DIPK1A: variants seen among roughly 807,000 people sequenced by gnomAD.
The protein encoded by DIPK1A is divergent protein kinase domain 1A, also known as family with sequence similarity 69 member A.
DIPK1A carries 27 observed loss-of-function variants against 40.8 expected under a neutral mutation model. That is an observed-to-expected ratio of 0.66 (90% CI 0.49 to 0.91). The LOEUF (loss-of-function observed/expected upper bound fraction) is 0.91, where lower values mean the gene tolerates loss of function less well. DIPK1A is among the 40% of genes least tolerant of loss of function. The probability of loss-of-function intolerance (pLI) is 0.00; values close to 1 mark genes in which losing one functional copy is unlikely to be tolerated. For synonymous variants in DIPK1A, 166 were observed against 171.3 expected, an observed-to-expected ratio of 0.97 and a Z score of 0.24; for missense variants, 412 against 505.7, an observed-to-expected ratio of 0.81 and a Z score of 1.78.
intron 4 of DIPK1A, among the ~76,000 whole-genome samples, chr1:92,846,397 T>C (rs1256571842): frequency 6.6e-6 from 1 of 152,106 alleles, no homozygotes; most frequent in Non-Finnish European, 1.5e-5. Flanking sequence ...CTAGCGGTAA[T>C]TTTGTATCTG....
chr1:92,941,704 C>T (rs1286484277), intron 1 of DIPK1A, among the ~76,000 whole-genome samples: 2 of 152,136 alleles, frequency 1.3e-5, no homozygotes, highest in Non-Finnish European at 2.9e-5. Flanking sequence ...GAAAGCAGAG[C>T]ACACACCTCC....
At position 92,842,826 on chromosome 1, in the gene DIPK1A, T is replaced by C. The variant is rs1687430477; in HGVS notation, c.*557A>G. 1 of 985,436 alleles carries C rather than the reference T, an allele frequency of 1.0e-6. No individual in the cohort carries two copies. Among genetic ancestry groups the C allele is most frequent in the African/African-American group, 1.7e-5 (1 of 57,252 alleles). The allele number at this position is 985,436 out of a possible 1,614,324, so 61.0% of individuals were successfully genotyped here. Reference sequence around the variant, plus strand: ...ACTTGAACCATTGTGAAGCTACACATAACTTGATGTCTGAATGAGGTTAAA... The same window carrying C: ...ACTTGAACCATTGTGAAGCTACACACAACTTGATGTCTGAATGAGGTTAAA... On this transcript the variant is annotated 3_prime_UTR_variant, in exon 5 of 5. Coordinates refer to ENST00000370310, the MANE Select transcript of DIPK1A (RefSeq NM_001006605.5).
chr1:92,845,541 G>GAAAAA, intron 4 of DIPK1A: 5 of 227,028 alleles, frequency 2.2e-5, no homozygotes, highest in South Asian at 9.8e-5. Flanking sequence ...CGTCTCTGCT[G>GAAAAA]AAAAAAAAAA....
At chr1:92,846,365 C>T (rs78380111) in intron 4 of DIPK1A, among the ~76,000 whole-genome samples, 3,144 of 152,144 alleles carry the variant, frequency 0.021, 114 homozygotes, top group African/African-American at 0.071. Context: ...TGCTATAGAA[C>T]ACTAGAACTT....
At chr1:92,908,391 G>T (rs191256484) in intron 1 of DIPK1A, among the ~76,000 whole-genome samples, 1 of 152,310 alleles carries the variant, frequency 6.6e-6, no homozygotes, top group African/African-American at 2.4e-5. Flanking sequence ...ATCAGATAGG[G>T]TAGAAGAAAA....
Position 92,926,877 on chromosome 1 carries a change from G to T in DIPK1A, c.54+34499C>A, listed in dbSNP as rs558737006. 2.8e-4 allele frequency among the ~76,000 whole-genome samples: 43 copies of T among 152,138 alleles called. No individual in the cohort carries two copies. The South Asian group carries it at 4.6e-3, about 16-fold the overall frequency. ...TCCCATCCTTTTACTTTGAAGCTTT[G>T]TATCTTTTGTTAAGTGCATGCCTTG... On this transcript the variant is annotated intron_variant, in intron 1 of 4. Coordinates refer to ENST00000370310, the MANE Select transcript of DIPK1A (RefSeq NM_001006605.5).
chr1:92,906,170 T>A (rs1402688707), intron 1 of DIPK1A, among the ~76,000 whole-genome samples: 3 of 152,154 alleles, frequency 2.0e-5, no homozygotes, highest in Non-Finnish European at 4.4e-5. Flanking sequence ...ATTTAAAAAA[T>A]TATACCAAAG....
At chr1:92,961,011 G>A (rs1329574410) in intron 1 of DIPK1A, among the ~76,000 whole-genome samples, 1 of 152,248 alleles carries the variant, frequency 6.6e-6, no homozygotes, top group Non-Finnish European at 1.5e-5. Flanking sequence ...CCAGGGAGAA[G>A]GCGGCCCGTC....
chr1:92,861,567 T>C (rs1240417905), intron 2 of DIPK1A, among the ~76,000 whole-genome samples: 3 of 152,070 alleles, frequency 2.0e-5, no homozygotes, highest in African/African-American at 7.2e-5. Context: ...CCTCAAGTGA[T>C]CCACCCACCT....
chr1:92,889,968 G>C (rs558118716), intron 1 of DIPK1A, among the ~76,000 whole-genome samples: 1 of 152,044 alleles, frequency 6.6e-6, no homozygotes, highest in Non-Finnish European at 1.5e-5. Context: ...ATTTTTTTGT[G>C]TGTCCTCTTC....
chr1:92,870,298 T>C (rs1647777105), intron 2 of DIPK1A, among the ~76,000 whole-genome samples: 1 of 152,204 alleles, frequency 6.6e-6, no homozygotes, highest in Non-Finnish European at 1.5e-5. Context: ...CAATCTCAGC[T>C]CACTGCAGCC....
intron 1 of DIPK1A, among the ~76,000 whole-genome samples, chr1:92,896,124 T>A (rs941168819): frequency 6.6e-6 from 1 of 152,158 alleles, no homozygotes; most frequent in Non-Finnish European, 1.5e-5. Context: ...AAGCTACCAA[T>A]GACTTTCTTC....
At position 92,842,927 on chromosome 1, in the gene DIPK1A, C is replaced by G. The variant is rs779230408; in HGVS notation, c.*456G>C. On this transcript the variant is annotated 3_prime_UTR_variant, in exon 5 of 5. Transcript: ENST00000370310. The stretch of plus-strand genomic sequence containing the variant: ...CTGTTTTATAAAGAAGCAAGTTTAA[C>G]CTGCTTTGCAGTCTTAATTTCTGTT... The G allele has an allele frequency of 1.0e-6, 1 of 987,738 alleles. No homozygotes were observed. Among genetic ancestry groups the G allele is most frequent in the Non-Finnish European group, 1.2e-6 (1 of 831,608 alleles). The allele number at this position is 987,738 out of a possible 1,614,324, so 61.2% of individuals were successfully genotyped here.
At chr1:92,893,020 A>G (rs910405602) in intron 1 of DIPK1A, among the ~76,000 whole-genome samples, 1 of 152,202 alleles carries the variant, frequency 6.6e-6, no homozygotes, top group East Asian at 1.9e-4. Flanking sequence ...CCAAATCTAC[A>G]TCTGATTGGT....
chr1:92,888,208 C>T (rs1040577634), intron 1 of DIPK1A, among the ~76,000 whole-genome samples: 3 of 152,044 alleles, frequency 2.0e-5, no homozygotes, highest in Admixed American at 2.0e-4. Context: ...CCTTCCCCAC[C>T]TCTAGTAACC....
intron 1 of DIPK1A, among the ~76,000 whole-genome samples, chr1:92,882,813 G>C (rs141573053): frequency 6.6e-6 from 1 of 152,254 alleles, no homozygotes; most frequent in East Asian, 1.9e-4. Context: ...GCCAGTCACC[G>C]CAGGAGACAC....
chr1:92,869,953 T>G (rs1363244500), intron 2 of DIPK1A, among the ~76,000 whole-genome samples: 1 of 152,080 alleles, frequency 6.6e-6, no homozygotes, highest in East Asian at 1.9e-4. Context: ...CTTAGGCAGC[T>G]ATTGTAAAAC....
At chr1:92,947,414 G>A (rs907545771) in intron 1 of DIPK1A, among the ~76,000 whole-genome samples, 4 of 152,120 alleles carry the variant, frequency 2.6e-5, no homozygotes, top group African/African-American at 9.7e-5. Flanking sequence ...ACCCCAGTTA[G>A]AATGGCTATT....
chr1:92,937,974 A>G (rs954820366), intron 1 of DIPK1A, among the ~76,000 whole-genome samples: 1 of 152,244 alleles, frequency 6.6e-6, no homozygotes, highest in Non-Finnish European at 1.5e-5. Context: ...TCACAGAATT[A>G]GGAACCTAAT....
Sources: allele counts gnomAD v4.1 joint callset (sites outside exome capture counted in the v4.1 genomes callset), GRCh38; gene constraint gnomAD v4.1.1; transcripts MANE v1.5; gene names NCBI Gene and HGNC (gene_info 2026-07-23, HGNC 2026-07-21).